Variants in BAIAP2 observed in about 807,000 individuals in gnomAD.
The protein encoded by BAIAP2 is BAR/IMD domain-containing adapter protein 2.
In BAIAP2, 18 loss-of-function variants were observed where a neutral mutation model predicts 63.0. That is an observed-to-expected ratio of 0.29 (90% CI 0.20 to 0.42). BAIAP2 has a LOEUF of 0.42. Ranked by LOEUF, BAIAP2 falls within the 10% of genes least tolerant of loss-of-function variation. The probability of loss-of-function intolerance (pLI) is 1.00; values close to 1 mark genes in which losing one functional copy is unlikely to be tolerated. For synonymous variants in BAIAP2, 386 were observed against 307.6 expected, an observed-to-expected ratio of 1.25 and a Z score of -2.67; for missense variants, 610 against 734.3, an observed-to-expected ratio of 0.83 and a Z score of 1.96.
intron 3 of BAIAP2, among the ~76,000 whole-genome samples, chr17:81,065,890 TAG>T (rs1387547589): frequency 6.6e-6 from 1 of 152,214 alleles, no homozygotes; most frequent in Admixed American, 6.5e-5. Context: ...AATCACCCTG[TAG>T]AGAGTTGTCG....
chr17:81,074,591 CTGTG>C (rs1256278213), intron 3 of BAIAP2, among the ~76,000 whole-genome samples: 6 of 145,430 alleles, frequency 4.1e-5, no homozygotes, highest in Middle Eastern at 3.8e-3. Context: ...GTGTGAGTGC[CTGTG>C]TGTGCGTGCA....
intron 3 of BAIAP2, among the ~76,000 whole-genome samples, chr17:81,080,865 A>T (rs928719142): frequency 1.3e-5 from 2 of 152,158 alleles, no homozygotes; most frequent in Non-Finnish European, 2.9e-5. Context: ...AATAAAAAAA[A>T]TGGGATATGG....
intron 3 of BAIAP2, among the ~76,000 whole-genome samples, chr17:81,065,816 G>A (rs372873239): frequency 2.0e-3 from 305 of 152,360 alleles, no homozygotes; most frequent in Non-Finnish European, 3.0e-3. Flanking sequence ...TGCCAGAACC[G>A]TCTGTATGAA....
intron 3 of BAIAP2, among the ~76,000 whole-genome samples, chr17:81,080,347 T>C (rs2054389225): frequency 6.6e-6 from 1 of 152,194 alleles, no homozygotes; most frequent in South Asian, 2.1e-4. Context: ...ATTCAAGGCA[T>C]GGGATGATTT....
At chr17:81,038,296 C>T (rs1237685051) in intron 1 of BAIAP2, among the ~76,000 whole-genome samples, 1 of 152,242 alleles carries the variant, frequency 6.6e-6, no homozygotes, top group African/African-American at 2.4e-5. Context: ...GCTGTGTCTC[C>T]TGGAATGCCA....
chr17:81,098,006 C>A, intron 6 of BAIAP2: 1 of 894,786 alleles, frequency 1.1e-6, no homozygotes, highest in Non-Finnish European at 1.5e-6. Flanking sequence ...ACCCCGGGTG[C>A]CGGGTGTCAG....
intron 6 of BAIAP2, among the ~76,000 whole-genome samples, chr17:81,091,505 C>T (rs971410452): frequency 1.3e-5 from 2 of 152,184 alleles, no homozygotes; most frequent in African/African-American, 4.8e-5. Flanking sequence ...GTCCCTGGAC[C>T]TGCCTGCCCC....
chr17:81,052,392 CTA>C (rs1011166347), intron 1 of BAIAP2, among the ~76,000 whole-genome samples: 9 of 152,348 alleles, frequency 5.9e-5, no homozygotes, highest in African/African-American at 1.9e-4. Flanking sequence ...GGCCTCTGGG[CTA>C]GCACGCAAAG....
chr17:81,086,655 C>CTCCCTGTGGACG, intron 6 of BAIAP2, 75 bp downstream of exon 6: 3 of 1,562,558 alleles, frequency 1.9e-6, no homozygotes, highest in Non-Finnish European at 2.6e-6. Context: ...CCCTCGTCCA[C>CTCCCTGTGGACG]AGGGAGTGGA....
chr17:81,078,278 C>T (rs2054021025), intron 3 of BAIAP2, among the ~76,000 whole-genome samples: 1 of 131,502 alleles, frequency 7.6e-6, no homozygotes, highest in South Asian at 2.6e-4. Context: ...GCTGTGGGTG[C>T]AGGTTCCACC....
chr17:81,092,820 G>A (rs2057001131), intron 6 of BAIAP2, among the ~76,000 whole-genome samples: 1 of 152,200 alleles, frequency 6.6e-6, no homozygotes, highest in Admixed American at 6.5e-5. Flanking sequence ...ACCACGCGGG[G>A]CACGGTGGAC....
rs571954801 is a variant in BAIAP2, at chr17:81,089,080, G to A, written c.489+2500G>A. ...TCCGCGCTGCTCTGCCGTGGGCCCC[G>A]GGTGGTGGGATTTACTCCCGAGGCT... On this transcript the variant is annotated intron_variant, in intron 6 of 13. Transcript: ENST00000428708. Among the ~76,000 whole-genome samples, 10 of 152,386 alleles carry A rather than the reference G, an allele frequency of 6.6e-5. No individual in the cohort carries two copies. In the East Asian group the frequency reaches 1.7e-3, roughly 26 times the overall value.
intron 13 of BAIAP2, among the ~76,000 whole-genome samples, chr17:81,113,660 T>C (rs1396966523): frequency 6.6e-6 from 1 of 151,834 alleles, no homozygotes; most frequent in Non-Finnish European, 1.5e-5. Context: ...GACACAGCAT[T>C]TGCAGCCCCA....
At chr17:81,074,376 G>T (rs770850113) in intron 3 of BAIAP2, among the ~76,000 whole-genome samples, 17 of 151,536 alleles carry the variant, frequency 1.1e-4, no homozygotes, top group Non-Finnish European at 1.8e-4. Context: ...CTGTGTGTGC[G>T]TGCACGGATA....
Position 81,116,293 on chromosome 17 carries a change from G to A in BAIAP2, c.*454G>A. On this transcript the variant is annotated 3_prime_UTR_variant, in exon 14 of 14. Coordinates refer to ENST00000428708, the MANE Select transcript of BAIAP2 (RefSeq NM_001144888.2). ...ACGGGGATGGGAGCGCCCGCACCCT[G>A]GCTGGAAGATGAACTTCCCGTAAGC... The A allele has an allele frequency of 6.2e-7, 1 of 1,612,714 alleles. No individual in the cohort carries two copies. The highest frequency in any genetic ancestry group is 1.1e-5 in the South Asian group (1 of 91,090).
At chr17:81,056,868 TGC>T (rs2049665644) in intron 2 of BAIAP2, among the ~76,000 whole-genome samples, 2 of 151,856 alleles carry the variant, frequency 1.3e-5, no homozygotes, top group African/African-American at 2.4e-5. Context: ...TTTCTGCTGT[TGC>T]GTTTTTCTGC....
intron 1 of BAIAP2, among the ~76,000 whole-genome samples, chr17:81,043,987 GA>G (rs2047445744): frequency 6.6e-6 from 1 of 152,384 alleles, no homozygotes; most frequent in East Asian, 1.9e-4. Context: ...TTGTGGGACA[GA>G]AAGTTCTTCA....
intron 11 of BAIAP2, 110 bp downstream of exon 11, chr17:81,106,256 T>C: frequency 8.5e-7 from 1 of 1,180,414 alleles, no homozygotes; most frequent in Non-Finnish European, 1.2e-6. Flanking sequence ...GCTCCTTGTC[T>C]GCTACCGCAG....
intron 3 of BAIAP2, among the ~76,000 whole-genome samples, chr17:81,067,634 C>T (rs1488216378): frequency 6.6e-6 from 1 of 152,210 alleles, no homozygotes; most frequent in Admixed American, 6.5e-5. Context: ...GAGCGTCACC[C>T]ACAGAGGGGC....
Sources: allele counts gnomAD v4.1 joint callset (sites outside exome capture counted in the v4.1 genomes callset), GRCh38; gene constraint gnomAD v4.1.1; transcripts MANE v1.5; gene names NCBI Gene and HGNC (gene_info 2026-07-23, HGNC 2026-07-21).